ABCC2: variants seen among roughly 807,000 people sequenced by gnomAD.
The protein encoded by ABCC2 is ATP-binding cassette sub-family C member 2.
Under a neutral mutation model 173.4 loss-of-function variants are expected in ABCC2, and 157 were observed. The observed-to-expected ratio is 0.91, with a 90% CI of 0.80 to 1.03. The LOEUF is 1.03. Ranked by LOEUF, ABCC2 falls within the 50% of genes least tolerant of loss-of-function variation. The pLI is 0.00. For synonymous variants in ABCC2, 657 were observed against 693.5 expected (o/e 0.95, Z 0.83); for missense variants, 1,822 against 1,852.3 (o/e 0.98, Z 0.30).
chr10:99,797,543 A>G, intron 7 of ABCC2: 1 of 561,792 alleles, frequency 1.8e-6, no homozygotes, highest in Non-Finnish European at 3.2e-6. Context: ...GTACTTTTGA[A>G]ATTTTCCAGA....
chr10:99,784,662 A>T lies in ABCC2; in HGVS notation c.88A>T (p.Thr30Ser), dbSNP rs562413451. Residue 30 changes from threonine to serine, a missense_variant, in exon 2 of 32, where the codon ACT (threonine) becomes TCT (serine). Coordinates refer to ENST00000647814, the MANE Select transcript of ABCC2 (RefSeq NM_000392.5). Reference sequence around the variant, plus strand: ...AGACCTGCCACTTTGTTTTGAGCAAACTGTTCTGGTGTGGATTCCCTTGGG... The same window carrying T: ...AGACCTGCCACTTTGTTTTGAGCAATCTGTTCTGGTGTGGATTCCCTTGGG... The part of the protein sequence containing the change: ...EADLPLCFEQ[T>S]VLVWIPLGYL... 1.7e-5 allele frequency: 27 copies of T among 1,614,120 alleles called. 1 individual carries two copies. The Admixed American group carries it at 4.0e-4, about 24-fold the overall frequency.
In ABCC2 at chr10:99,804,155, T is replaced by C. The variant is rs71488021; in HGVS notation, c.1346T>C (p.Val449Ala). The change falls in exon 10 of 32, where the codon GTC becomes GCC. Residue 449 changes from valine to alanine, a missense_variant. Val to Ala is a moderately conservative substitution (Grantham distance 64, BLOSUM62 0). Transcript: ENST00000647814. ...CTGTGGTCAAGTGTTCTACAGATTG[T>C]CTTATCTATCTTCTTCCTATGGAGA... ...HMLWSSVLQI[V>A]LSIFFLWREL... 1.2e-6 allele frequency: 2 copies of C among 1,614,126 alleles called. No individual in the cohort carries two copies. Among genetic ancestry groups the C allele is most frequent in the Middle Eastern group, 1.6e-4 (1 of 6,062 alleles).
chr10:99,844,027 C>G, intron 27 of ABCC2, 127 bp downstream of exon 27: 1 of 891,312 alleles, frequency 1.1e-6, no homozygotes, highest in Non-Finnish European at 1.9e-6. Context: ...TTCCTTTCCT[C>G]TAACTCAAAG....
At chr10:99,844,566 G>A in intron 28 of ABCC2, 101 bp downstream of exon 28, 2 of 1,487,348 alleles carry the variant, frequency 1.3e-6, no homozygotes, top group Non-Finnish European at 1.9e-6. Flanking sequence ...TCATTTGGAT[G>A]GAGGGAAAGG....
chr10:99,812,007 T>C (rs2038224543), intron 15 of ABCC2, among the ~76,000 whole-genome samples: 1 of 152,226 alleles, frequency 6.6e-6, no homozygotes, highest in Admixed American at 6.5e-5. Flanking sequence ...ATCTGGCTTC[T>C]CAGTGTGTAT....
chr10:99,794,527 G>A, intron 6 of ABCC2, 59 bp downstream of exon 6: 1 of 1,475,744 alleles, frequency 6.8e-7, no homozygotes, highest in Non-Finnish European at 9.4e-7. Context: ...CTCTGAAAGT[G>A]TCAGAAAGAT....
intron 16 of ABCC2, among the ~76,000 whole-genome samples, chr10:99,814,188 C>T (rs1443530401): frequency 4.5e-5 from 4 of 88,660 alleles, no homozygotes; most frequent in Admixed American, 1.1e-4. Flanking sequence ...TGTATGTATA[C>T]ACACATGTGT....
At position 99,850,706 on chromosome 10, in the gene ABCC2, A is replaced by C; in HGVS notation, c.4418A>C (p.Asn1473Thr). Residue 1473 changes from asparagine to threonine, a missense_variant, in exon 31 of 32, where the codon AAC (asparagine) becomes ACC (threonine). Asn to Thr is a moderately conservative substitution (Grantham distance 65, BLOSUM62 0). Coordinates refer to ENST00000647814, the MANE Select transcript of ABCC2 (RefSeq NM_000392.5). ...ATAAVDLETD[N>T]LIQTTIQNEF... ...GCTGCGGTGGATCTAGAGACAGACA[A>C]CCTCATTCAGACGACCATCCAAAAC... is the stretch of plus-strand genomic sequence containing the variant. 6.2e-7 allele frequency: 1 copy of C among 1,614,174 alleles called. No homozygotes were observed. The highest frequency in any genetic ancestry group is 1.3e-5 in the African/African-American group (1 of 75,032).
Position 99,793,564 on chromosome 10 carries a change from T to C in ABCC2, c.347T>C (p.Leu116Pro). ...ATTTCTCTCCAGCTCCTGGTTTTGC[T>C]GATCCAATACAGCAGACAATGGTGT... The part of the protein sequence containing the change: ...LYLGTWLLVL[L>P]IQYSRQWCVQ... The change falls in exon 4 of 32, where the codon CTG (leucine) becomes CCG (proline). Residue 116 changes from leucine (L) to proline (P), a missense_variant. Leu to Pro is a moderately conservative substitution (Grantham distance 98). Transcript: ENST00000647814. 3 of 1,614,160 alleles carry C rather than the reference T, an allele frequency of 1.9e-6. No individual in the cohort carries two copies. The highest frequency in any genetic ancestry group is 2.5e-6 in the Non-Finnish European group (3 of 1,180,000).
At position 99,797,083 on chromosome 10, in the gene ABCC2, C is replaced by T. The variant is rs377369917; in HGVS notation, c.633-14C>T. The stretch of plus-strand genomic sequence containing the variant: ...AGCCTGGGGGTCTCAGCCTGTGGTT[C>T]GCTCTTGTTCCAGCATCATTCTGAA... On this transcript the variant is annotated splice_polypyrimidine_tract_variant and intron_variant, in intron 6 of 31. Coordinates refer to ENST00000647814, the MANE Select transcript of ABCC2 (RefSeq NM_000392.5). 9 of 1,612,508 alleles carry T rather than the reference C, an allele frequency of 5.6e-6. No homozygotes were observed. In the African/African-American group the frequency reaches 1.1e-4, roughly 19 times the overall value.
intron 20 of ABCC2, 58 bp downstream of exon 20, chr10:99,830,491 T>G: frequency 1.9e-6 from 3 of 1,612,840 alleles, no homozygotes; most frequent in Non-Finnish European, 2.5e-6. Context: ...CTTGATCTTT[T>G]TCTTTTTCTT....
intron 29 of ABCC2, 74 bp from the exon 30 acceptor site, chr10:99,846,887 C>T: frequency 6.3e-7 from 1 of 1,581,140 alleles, no homozygotes; most frequent in Non-Finnish European, 8.7e-7. Context: ...TATCCACCAT[C>T]TCCCAGTCCT....
Position 99,810,219 on chromosome 10 carries a change from GTAAA to G in ABCC2, c.1900+7_1900+10del. 6.2e-7 allele frequency: 1 copy of G among 1,612,994 alleles called. No homozygotes were observed. The highest frequency in any genetic ancestry group is 8.5e-7 in the Non-Finnish European group (1 of 1,179,106). On this transcript the variant is annotated splice_donor_variant and splice_donor_5th_base_variant and intron_variant, in intron 14 of 31. Transcript: ENST00000647814. LOFTEE classifies it high-confidence loss of function. Reference sequence around the variant, plus strand: ...GCCATTCGACATGACTGCAATTTTGGTAAATAAATTTGGAAGTTGCTTCCCAAAC... The same window carrying G: ...GCCATTCGACATGACTGCAATTTTGGTAAATTTGGAAGTTGCTTCCCAAAC...
At chr10:99,800,275 C>A in intron 8 of ABCC2, 111 bp from the exon 9 acceptor site, 1 of 1,152,896 alleles carries the variant, frequency 8.7e-7, no homozygotes, top group South Asian at 1.2e-5. Context: ...CAATTCTGGT[C>A]ACTTTTGTTA....
chr10:99,834,678 A>C (rs2038791279), intron 24 of ABCC2, 143 bp downstream of exon 24: 1 of 1,052,230 alleles, frequency 9.5e-7, no homozygotes, highest in Non-Finnish European at 1.5e-6. Context: ...ATATGTTGAC[A>C]TACCCAGGAG....
chr10:99,827,917 C>G (rs185083953), intron 19 of ABCC2, among the ~76,000 whole-genome samples: 1 of 37,888 alleles, frequency 2.6e-5, no homozygotes, highest in Admixed American at 3.1e-4. Flanking sequence ...CACGCTCGAG[C>G]GTACCTTCAC....
At chr10:99,820,117 C>A (rs897857641) in intron 19 of ABCC2, among the ~76,000 whole-genome samples, 3 of 152,154 alleles carry the variant, frequency 2.0e-5, no homozygotes, top group Admixed American at 6.5e-5. Flanking sequence ...GAGGGCCAGG[C>A]ACGATGGCTC....
chr10:99,810,317 G>A (rs564685635), intron 14 of ABCC2, 99 bp downstream of exon 14: 5 of 900,624 alleles, frequency 5.6e-6, no homozygotes, highest in East Asian at 2.6e-5. Flanking sequence ...GAGAGAGAGT[G>A]TGGAGATTTG....
chr10:99,785,854 G>T (rs1416278115), intron 2 of ABCC2, among the ~76,000 whole-genome samples: 1 of 151,778 alleles, frequency 6.6e-6, no homozygotes, highest in Non-Finnish European at 1.5e-5. Context: ...TTTTTAGAAA[G>T]GCAAACTAGA....
Sources: allele counts gnomAD v4.1 joint callset (sites outside exome capture counted in the v4.1 genomes callset), GRCh38; gene constraint gnomAD v4.1.1; transcripts MANE v1.5; gene names NCBI Gene and HGNC (gene_info 2026-07-23, HGNC 2026-07-21).